SLC20A2: variants seen among roughly 807,000 people sequenced by gnomAD.
SLC20A2 encodes sodium-dependent phosphate transporter 2.
Under a neutral mutation model 61.0 loss-of-function variants are expected in SLC20A2, and 30 were observed. The ratio of observed to expected loss-of-function variants is 0.49; its 90% CI spans 0.37 to 0.67. The LOEUF is 0.67. Ranked by LOEUF, SLC20A2 falls within the 30% of genes least tolerant of loss-of-function variation. SLC20A2 has a pLI of 0.00. For missense variants in SLC20A2, 626 were observed against 866.4 expected (o/e 0.72, Z 3.48); for synonymous variants, 351 against 353.3 (o/e 0.99, Z 0.07).
intron 6 of SLC20A2, among the ~76,000 whole-genome samples, chr8:42,442,278 A>G (rs926339645): frequency 6.6e-6 from 1 of 150,692 alleles, no homozygotes; most frequent in Admixed American, 6.6e-5. Flanking sequence ...ATATCTAAAA[A>G]CCCTTTCTCA....
intron 1 of SLC20A2, among the ~76,000 whole-genome samples, chr8:42,484,181 C>A (rs976652980): frequency 8.5e-5 from 13 of 152,210 alleles, no homozygotes; most frequent in African/African-American, 3.1e-4. Flanking sequence ...ATCTAGGCAG[C>A]CTCTTCCTCT....
intron 1 of SLC20A2, among the ~76,000 whole-genome samples, chr8:42,523,893 T>A (rs74379720): frequency 1.3e-5 from 2 of 152,228 alleles, no homozygotes; most frequent in African/African-American, 4.8e-5. Context: ...CTTCTTGTGA[T>A]ATGTCCTTGG....
intron 10 of SLC20A2, among the ~76,000 whole-genome samples, chr8:42,427,329 T>C (rs941389813): frequency 6.6e-6 from 1 of 152,240 alleles, no homozygotes; most frequent in African/African-American, 2.4e-5. Context: ...ATGGTGCTGA[T>C]GGGGACCTGA....
intron 2 of SLC20A2, among the ~76,000 whole-genome samples, chr8:42,467,569 G>A (rs1192903849): frequency 6.6e-6 from 1 of 152,204 alleles, no homozygotes; most frequent in African/African-American, 2.4e-5. Context: ...TCCTTCAAAG[G>A]CATCTGAGTT....
chr8:42,422,856 CAA>C (rs1803138156), intron 10 of SLC20A2, among the ~76,000 whole-genome samples: 1 of 152,138 alleles, frequency 6.6e-6, no homozygotes, highest in Non-Finnish European at 1.5e-5. Context: ...TCTGTTGTTA[CAA>C]TGTCTTCCTC....
At chr8:42,475,535 G>C (rs749856554) in intron 1 of SLC20A2, among the ~76,000 whole-genome samples, 3 of 151,804 alleles carry the variant, frequency 2.0e-5, no homozygotes, top group Non-Finnish European at 4.4e-5. Context: ...TCGGCCTCCC[G>C]AGTAGCTGGG....
chr8:42,458,608 GA>G (rs1245776628), intron 5 of SLC20A2, among the ~76,000 whole-genome samples: 5,470 of 64,186 alleles, frequency 0.085, 220 homozygotes, highest in African/African-American at 0.2. Flanking sequence ...GGGCAATAAA[GA>G]AAAAAAAAAA....
chr8:42,517,265 G>A (rs1246006135), intron 1 of SLC20A2, among the ~76,000 whole-genome samples: 1 of 152,018 alleles, frequency 6.6e-6, no homozygotes, highest in South Asian at 2.1e-4. Flanking sequence ...CACTTTGGGA[G>A]GGTGAGGTGG....
At chr8:42,518,513 C>T (rs1392065459) in intron 1 of SLC20A2, among the ~76,000 whole-genome samples, 5 of 152,094 alleles carry the variant, frequency 3.3e-5, no homozygotes, top group Non-Finnish European at 5.9e-5. Flanking sequence ...TCTAACAAAC[C>T]CTATGTCATT....
At chr8:42,490,675 T>C (rs911555039) in intron 1 of SLC20A2, among the ~76,000 whole-genome samples, 1 of 152,098 alleles carries the variant, frequency 6.6e-6, no homozygotes, top group Non-Finnish European at 1.5e-5. Flanking sequence ...GAAGACACTA[T>C]GACTTAAAGA....
chr8:42,425,728 A>G (rs974244805), intron 10 of SLC20A2, among the ~76,000 whole-genome samples: 1 of 152,166 alleles, frequency 6.6e-6, no homozygotes, highest in Non-Finnish European at 1.5e-5. Flanking sequence ...CTATCCTAAT[A>G]CTACTCATCA....
chr8:42,465,404 TA>T (rs1321604183), intron 3 of SLC20A2, among the ~76,000 whole-genome samples: 3 of 151,572 alleles, frequency 2.0e-5, no homozygotes, highest in African/African-American at 7.3e-5. Flanking sequence ...GATATAAAAT[TA>T]ACCTGTGGCT....
intron 1 of SLC20A2, among the ~76,000 whole-genome samples, chr8:42,499,221 G>T (rs934860180): frequency 5.3e-5 from 8 of 152,110 alleles, no homozygotes; most frequent in Admixed American, 2.0e-4. Flanking sequence ...TCCGCACCTG[G>T]ACCCCCAGTG....
intron 4 of SLC20A2, 89 bp from the exon 5 acceptor site, chr8:42,460,081 C>A (rs570880979): frequency 2.7e-6 from 2 of 744,212 alleles, no homozygotes; most frequent in South Asian, 3.1e-5. Context: ...AATACTGTTA[C>A]AAGAAACTCT....
intron 5 of SLC20A2, among the ~76,000 whole-genome samples, chr8:42,452,890 C>T (rs539523596): frequency 6.6e-6 from 1 of 152,206 alleles, no homozygotes; most frequent in South Asian, 2.1e-4. Flanking sequence ...TTTGGGAGTA[C>T]CCATTACATT....
chr8:42,481,640 G>A (rs1808559572), intron 1 of SLC20A2, among the ~76,000 whole-genome samples: 1 of 152,170 alleles, frequency 6.6e-6, no homozygotes, highest in Non-Finnish European at 1.5e-5. Flanking sequence ...ATCAACCAGA[G>A]ACCACAGGGC....
chr8:42,459,258 A>C (rs1465383445), intron 5 of SLC20A2, among the ~76,000 whole-genome samples: 105 of 150,168 alleles, frequency 7.0e-4, no homozygotes, highest in Non-Finnish European at 1.3e-3. Flanking sequence ...AAAAAAAAAA[A>C]ACATAAAAAA....
intron 1 of SLC20A2, among the ~76,000 whole-genome samples, chr8:42,499,058 AG>A: frequency 1.3e-5 from 2 of 152,190 alleles, no homozygotes; most frequent in Non-Finnish European, 2.9e-5. Flanking sequence ...TAAGACGTGG[AG>A]GAGTAGGATG....
At chr8:42,473,854 C>T (rs1322816917) in intron 1 of SLC20A2, among the ~76,000 whole-genome samples, 2 of 152,144 alleles carry the variant, frequency 1.3e-5, no homozygotes, top group Non-Finnish European at 2.9e-5. Context: ...TTTATGTACA[C>T]TGTGATTATG....
Sources: gnomAD v4.1 joint callset for allele counts (sites outside exome capture counted in the v4.1 genomes callset) on GRCh38, gnomAD v4.1.1 for gene constraint, MANE v1.5 for transcripts, NCBI Gene and HGNC (gene_info 2026-07-23, HGNC 2026-07-21) for gene names.